ACHE: variants seen among roughly 807,000 people sequenced by gnomAD.
The protein encoded by ACHE is acetylcholinesterase.
In ACHE, 19 loss-of-function variants were observed where a neutral mutation model predicts 53.9. The observed-to-expected ratio is 0.35, with a 90% CI of 0.25 to 0.52. The LOEUF (loss-of-function observed/expected upper bound fraction) is 0.52, where lower values mean the gene tolerates loss of function less well. Among genes scored for constraint, ACHE ranks in the 20% least tolerant of loss-of-function variants. The pLI is 0.95. For missense variants in ACHE, 605 were observed against 849.4 expected (o/e 0.71, Z 3.58); for synonymous variants, 392 against 378.1 (o/e 1.04, Z -0.43).
upstream of ACHE, chr7:100,895,991 G>A (rs1295107579): frequency 1.7e-5 from 2 of 119,602 alleles, no homozygotes; most frequent in Non-Finnish European, 3.5e-5. Flanking sequence ...CGCTCTCCCG[G>A]GTGGCCACCT....
Position 100,893,752 on chromosome 7 carries a change from A to G in ACHE, c.481T>C (p.Leu161=). 1 of 1,613,794 alleles carries G rather than the reference A, an allele frequency of 6.2e-7. No individual in the cohort carries two copies. Among genetic ancestry groups the G allele is most frequent in the Non-Finnish European group, 8.5e-7 (1 of 1,180,026 alleles). Residue 161 remains leucine (L), a synonymous_variant, in exon 2 of 5, where the codon TTG becomes CTG. Coordinates refer to ENST00000241069, the MANE Select transcript of ACHE (RefSeq NM_000665.5). ...AAGAAGCGGCCATCGTACACGTCCA[A>G]GGAGGAGGCCCCACTGTAGAAGCCA... is the stretch of plus-strand genomic sequence containing the variant. The part of the protein sequence containing the change: ...GGGFYSGASS[L]DVYDGRFLVQ...
rs1790743244 is a variant in ACHE at position 100,892,227 on chromosome 7, C to T, written c.1553+107G>A. 7.2e-7 allele frequency: 1 copy of T among 1,382,758 alleles called. No homozygotes were observed. Among genetic ancestry groups the T allele is most frequent in the Non-Finnish European group, 9.5e-7 (1 of 1,052,936 alleles). The allele number at this position is 1,382,758 out of a possible 1,614,324, so 85.7% of individuals were successfully genotyped here. On this transcript the variant is annotated intron_variant, in intron 3 of 4. Transcript: ENST00000241069. The surrounding 1 kb of genome is among the most constrained non-coding windows in gnomAD (Gnocchi z 5.2). ...CATATCCCTCTCTGGCTGTTCTATC[C>T]TGCCCCTGTCCCACCCGTCCTTTCT...
chr7:100,893,636 C>T lies in ACHE; in HGVS notation c.597G>A (p.Pro199=), dbSNP rs750810719. 25 of 1,613,050 alleles carry T rather than the reference C, an allele frequency of 1.5e-5. No homozygotes were observed. Among genetic ancestry groups the T allele is most frequent in the Middle Eastern group, 1.6e-4 (1 of 6,082 alleles). The part of the protein sequence containing the change: ...FLALPGSREA[P]GNVGLLDQRL... Reference sequence around the variant, plus strand: ...TCTGATCCAGGAGACCCACATTGCCCGGGGCCTCTCGGCTCCCCGGCAGGG... The same window carrying T: ...TCTGATCCAGGAGACCCACATTGCCTGGGGCCTCTCGGCTCCCCGGCAGGG... The change falls in exon 2 of 5, where the codon CCG becomes CCA. Residue 199 remains proline, a synonymous_variant. Transcript: ENST00000241069.
chr7:100,895,951 C>T (rs2116038312), upstream of ACHE: 1 of 148,202 alleles, frequency 6.7e-6, no homozygotes, highest in Non-Finnish European at 1.5e-5. Flanking sequence ...CCGCCCGCCC[C>T]CGCCCACTGT....
intron 3 of ACHE, among the ~76,000 whole-genome samples, 158 bp from the exon 4 acceptor site, chr7:100,891,496 C>G (rs17886712): frequency 6.6e-6 from 1 of 152,116 alleles, no homozygotes; most frequent in Non-Finnish European, 1.5e-5. Context: ...TTGGGGTCTT[C>G]CCTTCCTCAA....
chr7:100,890,397 G>C, intron 4 of ACHE, 62 bp from the exon 5 acceptor site: 1 of 1,567,540 alleles, frequency 6.4e-7, no homozygotes, highest in East Asian at 2.3e-5. Context: ...TCGGGGATCG[G>C]ACATTTGGGC....
At position 100,893,174 on chromosome 7, in the gene ACHE, G is replaced by A. The variant is rs767337213; in HGVS notation, c.1059C>T (p.His353=). The A allele has an allele frequency of 7.4e-6, 12 of 1,613,900 alleles. No homozygotes were observed. Among genetic ancestry groups the A allele is most frequent in the Middle Eastern group, 1.6e-4 (1 of 6,062 alleles). Residue 353 remains histidine, a synonymous_variant, in exon 2 of 5, where the codon CAC becomes CAT. Transcript: ENST00000241069. ...PEALINAGDF[H]GLQVLVGVVK... ...GCTAGCCACTAGTTACCTGCAGGCC[G>A]TGGAAGTCTCCCGCGTTGATGAGGG...
rs1790791953 is a variant in ACHE, at chr7:100,892,967, G to A, written c.1069-149C>T. On this transcript the variant is annotated intron_variant, in intron 2 of 4. Transcript: ENST00000241069. This position sits in a 1 kb window ranked among gnomAD's most constrained non-coding sequence, Gnocchi z 5.2. ...GAGAGGACGAGATCAGGGGAGGGAT[G>A]CAGAGAAAGAGAAAATAGACCCATG... is the stretch of plus-strand genomic sequence containing the variant. 1.6e-6 allele frequency: 2 copies of A among 1,256,070 alleles called. No homozygotes were observed. The highest frequency in any genetic ancestry group is 3.0e-5 in the African/African-American group (2 of 66,146). The allele number at this position is 1,256,070 out of a possible 1,614,324, so 77.8% of individuals were successfully genotyped here.
At position 100,890,045 on chromosome 7, in the gene ACHE, G is replaced by C. The variant is rs1383324461; in HGVS notation, c.*169C>G. The stretch of plus-strand genomic sequence containing the variant: ...AGAGGGGCGAAGGCACCGCGGGGGA[G>C]GGAGCTCAGCCTGAGACATGCAGAG... On this transcript the variant is annotated 3_prime_UTR_variant, in exon 5 of 5. Transcript: ENST00000241069. 1.3e-6 allele frequency: 1 copy of C among 753,728 alleles called. No individual in the cohort carries two copies. The highest frequency in any genetic ancestry group is 2.1e-6 in the Non-Finnish European group (1 of 486,362). The allele number at this position is 753,728 out of a possible 1,614,324, so 46.7% of individuals were successfully genotyped here.
chr7:100,890,938 C>G, intron 4 of ACHE: 2 of 1,470,662 alleles, frequency 1.4e-6, no homozygotes, highest in Non-Finnish European at 1.8e-6. Context: ...CCCCTGTGGC[C>G]GTAGGGGAAG....
In ACHE at chr7:100,893,786, G is replaced by T. The variant is rs768328995; in HGVS notation, c.447C>A (p.Ile149=). Residue 149 remains isoleucine (I), a synonymous_variant, in exon 2 of 5, where the codon ATC becomes ATA. Coordinates refer to ENST00000241069, the MANE Select transcript of ACHE (RefSeq NM_000665.5). ...CCCCACTGTAGAAGCCACCCCCATA[G>T]ATCCAGACGAGGACAGGGGTGGGGG... ...PTSPTPVLVW[I]YGGGFYSGAS... is the part of the protein sequence containing the mutation. The T allele has an allele frequency of 6.2e-7, 1 of 1,613,830 alleles. No homozygotes were observed. Among genetic ancestry groups the T allele is most frequent in the South Asian group, 1.1e-5 (1 of 91,086 alleles).
upstream of ACHE, chr7:100,896,710 T>C: frequency 3.1e-6 from 1 of 320,136 alleles, no homozygotes; most frequent in Admixed American, 3.6e-5. Flanking sequence ...GGTCGGGGCA[T>C]GACATCACCA....
At position 100,894,132 on chromosome 7, in the gene ACHE, C is replaced by A; in HGVS notation, c.101G>T (p.Arg34Leu). The change falls in exon 2 of 5, where the codon CGG becomes CTG. Residue 34 changes from arginine (R) to leucine (L), a missense_variant. Arg to Leu is a moderately radical substitution (Grantham distance 102). This residue lies in a region of ACHE where 89 missense variants were observed against 78.9 expected (regional missense o/e 1.13). Coordinates refer to ENST00000241069, the MANE Select transcript of ACHE (RefSeq NM_000665.5). ...CGTCACCAGCAGCTCTGCATCCTCC[C>A]GGCCCTCAGCCCCCACTCCTCCACC... is the stretch of plus-strand genomic sequence containing the variant. Reference protein sequence around the residue: ...LLGGGVGAEGREDAELLVTVR... With the variant: ...LLGGGVGAEGLEDAELLVTVR... 1 of 1,490,608 alleles carries A rather than the reference C, an allele frequency of 6.7e-7. No homozygotes were observed. The highest frequency in any genetic ancestry group is 2.3e-5 in the East Asian group (1 of 42,634). The allele number at this position is 1,490,608 out of a possible 1,614,324, so 92.3% of individuals were successfully genotyped here.
intron 1 of ACHE, among the ~76,000 whole-genome samples, chr7:100,895,211 C>G (rs181944153): frequency 1.3e-5 from 2 of 152,192 alleles, no homozygotes; most frequent in Non-Finnish European, 2.9e-5. Flanking sequence ...GGAACTCCCC[C>G]CTCTCCCGCC....
chr7:100,895,940 C>T (rs1167128699), upstream of ACHE: 1 of 146,060 alleles, frequency 6.8e-6, no homozygotes, highest in Non-Finnish European at 1.5e-5. Flanking sequence ...TCACAGCGCC[C>T]CCGCCCGCCC....
At position 100,890,073 on chromosome 7, in the gene ACHE, C is replaced by T; in HGVS notation, c.*141G>A. On this transcript the variant is annotated 3_prime_UTR_variant, in exon 5 of 5. Transcript: ENST00000241069. ...AGCTCAGCCTGAGACATGCAGAGGA[C>T]CGGGAGCCCCGGGGGACGTCGGGGT... is the stretch of plus-strand genomic sequence containing the variant. 1 of 1,063,728 alleles carries T rather than the reference C, an allele frequency of 9.4e-7. No homozygotes were observed. The highest frequency in any genetic ancestry group is 1.3e-6 in the Non-Finnish European group (1 of 753,088). 65.9% of individuals were successfully genotyped at this position (1,063,728 alleles called of 1,614,324 possible).
At chr7:100,890,780 G>A (rs1401318752) in intron 4 of ACHE, 2 of 1,358,014 alleles carry the variant, frequency 1.5e-6, no homozygotes, top group African/African-American at 1.5e-5. Flanking sequence ...ACAAAGGCGT[G>A]GGGGTCCCTG....
At chr7:100,890,974 TGGGA>T in intron 4 of ACHE, 191 bp downstream of exon 4, 5 of 1,453,656 alleles carry the variant, frequency 3.4e-6, no homozygotes, top group Non-Finnish European at 4.5e-6. Flanking sequence ...CCGCCGGAGG[TGGGA>T]GAGGAAGAGG....
In ACHE at chr7:100,893,214, C is replaced by T; in HGVS notation, c.1019G>A (p.Ser340Asn). Residue 340 changes from serine (S) to asparagine (N), a missense_variant, in exon 2 of 5, where the codon AGT becomes AAT. Around this residue, in one of 4 missense-constraint regions of ACHE, gnomAD observed 397 missense variants for 632.5 expected, o/e 0.63. Coordinates refer to ENST00000241069, the MANE Select transcript of ACHE (RefSeq NM_000665.5). Reference protein sequence around the residue: ...FVPVVDGDFLSDTPEALINAG... With the variant: ...FVPVVDGDFLNDTPEALINAG... ...GTTGATGAGGGCCTCTGGGGTGTCA[C>T]TGAGGAAGTCTCCATCTACCACAGG... The T allele has an allele frequency of 6.2e-7, 1 of 1,614,082 alleles. No homozygotes were observed. Among genetic ancestry groups the T allele is most frequent in the Non-Finnish European group, 8.5e-7 (1 of 1,180,028 alleles).
Sources: gnomAD v4.1 joint callset for allele counts (sites outside exome capture counted in the v4.1 genomes callset) on GRCh38, gnomAD v4.1.1 for gene constraint, gnomAD v4.1.1 regional missense constraint, Gnocchi (gnomAD v3.1) non-coding constraint, MANE v1.5 for transcripts, NCBI Gene and HGNC (gene_info 2026-07-23, HGNC 2026-07-21) for gene names.